The following C2CD2 variants were observed in gnomAD, a reference collection of about 807,000 sequenced individuals.
C2CD2 encodes C2 calcium dependent domain containing 2, also known as C2 domain-containing protein 2.
In C2CD2, 43 loss-of-function variants were observed where a neutral mutation model predicts 74.3. The ratio of observed to expected loss-of-function variants is 0.58; its 90% CI spans 0.45 to 0.75. The LOEUF (loss-of-function observed/expected upper bound fraction) is 0.75. C2CD2 is among the 30% of genes least tolerant of loss of function. The pLI, the probability that C2CD2 is intolerant of heterozygous loss-of-function variation, is 0.00. For synonymous variants in C2CD2, 422 were observed against 390.7 expected (o/e 1.08, Z -0.94); for missense variants, 801 against 916.3 (o/e 0.87, Z 1.63).
At chr21:41,932,098 G>A (rs1424299908) in intron 2 of C2CD2, among the ~76,000 whole-genome samples, 1 of 144,696 alleles carries the variant, frequency 6.9e-6, no homozygotes, top group East Asian at 2.0e-4. Context: ...GGGCAGAGGG[G>A]CTAGAGGTCG....
chr21:41,928,918 T>C (rs1208916392), intron 2 of C2CD2, among the ~76,000 whole-genome samples: 2 of 152,108 alleles, frequency 1.3e-5, no homozygotes. Context: ...CCTATCTCTG[T>C]TGTCTTTTTT....
intron 5 of C2CD2, among the ~76,000 whole-genome samples, chr21:41,916,236 G>A (rs753442471): frequency 9.9e-5 from 15 of 152,100 alleles, no homozygotes; most frequent in Admixed American, 3.9e-4. Flanking sequence ...TGTATGTGTC[G>A]ACTTGACTGG....
chr21:41,929,721 G>A lies in C2CD2; in HGVS notation c.379-7636C>T, dbSNP rs1213091807. The stretch of plus-strand genomic sequence containing the variant: ...CACCATGCCAGGCGACATCACTCAA[G>A]TCTCCAAAGATCACCAAGTGTCCAG... On this transcript the variant is annotated intron_variant, in intron 2 of 13. Transcript: ENST00000380486. The surrounding 1 kb of genome is among the most constrained non-coding windows in gnomAD (Gnocchi z 4.6). Among the ~76,000 whole-genome samples, 1 of 152,190 alleles carries A rather than the reference G, an allele frequency of 6.6e-6. No individual in the cohort carries two copies. Among genetic ancestry groups the A allele is most frequent in the Non-Finnish European group, 1.5e-5 (1 of 68,034 alleles).
rs190477946 is a variant in C2CD2 at position 41,904,671 on chromosome 21, G to A, written c.1432+1053C>T. On this transcript the variant is annotated intron_variant, in intron 11 of 13. Transcript: ENST00000380486. Reference sequence around the variant, plus strand: ...TCCCACAAGAGGAGGAGGCAGTTATGAACTTTCACCAGGCTGAGAATCCAA... The same window carrying A: ...TCCCACAAGAGGAGGAGGCAGTTATAAACTTTCACCAGGCTGAGAATCCAA... Among the ~76,000 whole-genome samples the A allele has an allele frequency of 1.3e-3, 191 of 152,294 alleles. 4 individuals carry two copies. The highest frequency in any genetic ancestry group is 3.8e-3 in the African/African-American group (159 of 41,554).
rs778013814 is a variant in C2CD2, at chr21:41,947,137, T to TCTCTCTCTCCCTCTCC, written c.280-4893_280-4892insGGAGAGGGAGAGAGAG. On this transcript the variant is annotated intron_variant, in intron 1 of 13. Coordinates refer to ENST00000380486, the MANE Select transcript of C2CD2 (RefSeq NM_015500.2). ...TTCTCTCTCTCTCTCTCTCTCTCTC[T>TCTCTCTCTCCCTCTCC]CTCCCTCCCTCCCTCCCTCCCTCTC... Among the ~76,000 whole-genome samples the TCTCTCTCTCCCTCTCC allele has an allele frequency of 1.2e-4, 3 of 25,638 alleles. 1 individual carries two copies. Among genetic ancestry groups the TCTCTCTCTCCCTCTCC allele is most frequent in the Non-Finnish European group, 2.7e-4 (3 of 11,252 alleles). The allele number at this position is 25,638 out of a possible 152,430, so 16.8% of individuals were successfully genotyped here.
chr21:41,901,434 A>T, intron 12 of C2CD2, 188 bp downstream of exon 12: 1 of 657,332 alleles, frequency 1.5e-6, no homozygotes, highest in Non-Finnish European at 2.7e-6. Flanking sequence ...CTTGGTGAAT[A>T]GGATAAACTG....
At chr21:41,943,840 G>T (rs1018958376) in intron 1 of C2CD2, among the ~76,000 whole-genome samples, 1 of 152,302 alleles carries the variant, frequency 6.6e-6, no homozygotes, top group East Asian at 1.9e-4. Context: ...AATCAGCAGA[G>T]AATTAAATGT....
At position 41,887,765 on chromosome 21, in the gene C2CD2, C is replaced by T. The variant is rs544074950; in HGVS notation, c.*1359G>A. The T allele has an allele frequency of 2.6e-5, 4 of 152,160 alleles. No individual in the cohort carries two copies. Among genetic ancestry groups the T allele is most frequent in the Admixed American group, 6.5e-5 (1 of 15,278 alleles). 9.4% of individuals were successfully genotyped at this position (152,160 alleles called of 1,614,324 possible). ...CTACGGAAGGAAGCTTGCCCATTTC[C>T]GTCTCCATGACAGAAGCCAAGCTTT... On this transcript the variant is annotated 3_prime_UTR_variant, in exon 14 of 14. Coordinates refer to ENST00000380486, the MANE Select transcript of C2CD2 (RefSeq NM_015500.2).
In C2CD2 at chr21:41,943,296, GA is replaced by G. The variant is rs977852141; in HGVS notation, c.280-1052del. On this transcript the variant is annotated intron_variant, in intron 1 of 13. Coordinates refer to ENST00000380486, the MANE Select transcript of C2CD2 (RefSeq NM_015500.2). ...ACAGAGTAAGGCCCTGTCTCAAAAA[GA>G]AAAAAAAAATTCTCCAAACGAGAGA... Among the ~76,000 whole-genome samples the G allele has an allele frequency of 3.8e-3, 565 of 149,078 alleles. 5 individuals are homozygous for G. Among genetic ancestry groups the G allele is most frequent in the African/African-American group, 0.013 (525 of 40,646 alleles).
chr21:41,899,763 C>T lies in C2CD2; in HGVS notation c.1561-401G>A, dbSNP rs1361957203. 6.6e-6 allele frequency among the ~76,000 whole-genome samples: 1 copy of T among 152,158 alleles called. No individual in the cohort carries two copies. The highest frequency in any genetic ancestry group is 1.5e-5 in the Non-Finnish European group (1 of 68,022). ...GTTTCGGGTTTAGCTGTCTTTGTTC[C>T]TACACGTTTATGTTACCTGCAAGTG... On this transcript the variant is annotated intron_variant, in intron 12 of 13. Transcript: ENST00000380486. The surrounding 1 kb of genome is among the most constrained non-coding windows in gnomAD (Gnocchi z 4.4).
At chr21:41,897,905 G>A (rs1298807423) in intron 13 of C2CD2, among the ~76,000 whole-genome samples, 4 of 152,196 alleles carry the variant, frequency 2.6e-5, no homozygotes, top group Admixed American at 2.6e-4. Flanking sequence ...GCAGGGCGCT[G>A]AGTGGCATCC....
Position 41,953,549 on chromosome 21 carries a change from C to T in C2CD2, c.100G>A (p.Ala34Thr), listed in dbSNP as rs866540446. Residue 34 changes from alanine (A) to threonine (T), a missense_variant, in exon 1 of 14, where the codon GCG becomes ACG. Coordinates refer to ENST00000380486, the MANE Select transcript of C2CD2 (RefSeq NM_015500.2). ...AALATVGLYL[A>T]QWALARARPQ... ...CGCGCCCTGGCCAGCGCCCACTGCG[C>T]CAGGTACAGGCCTACCGTGGCCAGG... 2.0e-6 allele frequency: 3 copies of T among 1,486,546 alleles called. No homozygotes were observed. The highest frequency in any genetic ancestry group is 1.5e-5 in the African/African-American group (1 of 68,592). 92.1% of individuals were successfully genotyped at this position (1,486,546 alleles called of 1,614,324 possible).
In C2CD2 at chr21:41,931,243, G is replaced by A. The variant is rs1303227237; in HGVS notation, c.379-9158C>T. Among the ~76,000 whole-genome samples the A allele has an allele frequency of 2.7e-5, 4 of 150,154 alleles. No homozygotes were observed. The South Asian group carries it at 6.4e-4, about 24-fold the overall frequency. ...TGGGCAGGAGCGTGCTTCCACACCC[G>A]GTCTGAGCAGATACCCTGCAAGGCA... On this transcript the variant is annotated intron_variant, in intron 2 of 13. Transcript: ENST00000380486.
intron 3 of C2CD2, among the ~76,000 whole-genome samples, chr21:41,919,220 G>T (rs959364578): frequency 6.6e-6 from 1 of 152,228 alleles, no homozygotes; most frequent in Non-Finnish European, 1.5e-5. Flanking sequence ...TTGAGCGTGT[G>T]CGGAAGTGTG....
chr21:41,912,111 C>T (rs2065032643), intron 7 of C2CD2: 1 of 489,622 alleles, frequency 2.0e-6, no homozygotes, highest in African/African-American at 2.0e-5. Context: ...TCCCTCTCAT[C>T]ATATCAGGGC....
intron 4 of C2CD2, among the ~76,000 whole-genome samples, chr21:41,918,638 C>T (rs972328212): frequency 6.6e-6 from 1 of 151,990 alleles, no homozygotes; most frequent in Non-Finnish European, 1.5e-5. Context: ...CAGGTGGGAG[C>T]CCTGCATCCA....
intron 3 of C2CD2, among the ~76,000 whole-genome samples, chr21:41,920,014 G>A (rs1337477504): frequency 1.3e-5 from 2 of 152,204 alleles, no homozygotes; most frequent in African/African-American, 2.4e-5. Flanking sequence ...GTGTGGACGT[G>A]GAGGAAGGCA....
At chr21:41,937,351 T>C (rs1439992474) in intron 2 of C2CD2, among the ~76,000 whole-genome samples, 1 of 151,956 alleles carries the variant, frequency 6.6e-6, no homozygotes, top group Non-Finnish European at 1.5e-5. Flanking sequence ...ACTCCTGACC[T>C]CGTGATCCAC....
chr21:41,904,068 C>T (rs1328789373), intron 11 of C2CD2, among the ~76,000 whole-genome samples: 1 of 152,098 alleles, frequency 6.6e-6, no homozygotes, highest in African/African-American at 2.4e-5. Flanking sequence ...GAGGTCGGCA[C>T]AAGACACAGG....
Sources: allele counts gnomAD v4.1 joint callset (sites outside exome capture counted in the v4.1 genomes callset), GRCh38; gene constraint gnomAD v4.1.1; non-coding constraint Gnocchi (gnomAD v3.1); transcripts MANE v1.5; gene names NCBI Gene and HGNC (gene_info 2026-07-23, HGNC 2026-07-21).